CSMD1: variants seen among roughly 807,000 people sequenced by gnomAD.
The protein encoded by CSMD1 is CUB and sushi domain-containing protein 1.
Under a neutral mutation model 417.5 loss-of-function variants are expected in CSMD1, and 213 were observed. The ratio of observed to expected loss-of-function variants is 0.51; its 90% CI spans 0.46 to 0.57. The LOEUF (loss-of-function observed/expected upper bound fraction) is 0.57, where lower values mean the gene tolerates loss of function less well. CSMD1 is among the 20% of genes least tolerant of loss of function. The probability of loss-of-function intolerance (pLI) is 0.00; values close to 1 mark genes in which losing one functional copy is unlikely to be tolerated. For missense variants in CSMD1, 6,923 were observed against 4,529.7 expected (o/e 1.53, Z -15.17); for synonymous variants, 2,862 against 1,736.8 (o/e 1.65, Z -16.11).
chr8:3,414,134 G>A (rs1434491289), intron 12 of CSMD1, among the ~76,000 whole-genome samples: 6 of 103,116 alleles, frequency 5.8e-5, no homozygotes, highest in Non-Finnish European at 9.6e-5. Context: ...GCGAGACTCC[G>A]TTAAAGAAAA....
In CSMD1 at chr8:3,879,440, G is replaced by T. The variant is rs988304805; in HGVS notation, c.818+118463C>A. Among the ~76,000 whole-genome samples the T allele has an allele frequency of 3.9e-5, 6 of 152,220 alleles. No individual in the cohort carries two copies. In the East Asian group the frequency reaches 1.2e-3, roughly 29 times the overall value. The stretch of plus-strand genomic sequence containing the variant: ...GAGGAAATGAATCAGTCCGGTCATT[G>T]AGAACAATGTCCCAGGTTTTTGCTT... On this transcript the variant is annotated intron_variant, in intron 5 of 69. Coordinates refer to ENST00000635120, the MANE Select transcript of CSMD1 (RefSeq NM_033225.6).
chr8:3,455,598 G>A (rs573733151), intron 12 of CSMD1, among the ~76,000 whole-genome samples: 2 of 152,312 alleles, frequency 1.3e-5, no homozygotes, highest in South Asian at 2.1e-4. Context: ...GTGTGCCTGG[G>A]TATCAGCAGC....
intron 1 of CSMD1, among the ~76,000 whole-genome samples, chr8:4,726,036 G>C (rs781634138): frequency 1.1e-4 from 17 of 152,086 alleles, no homozygotes; most frequent in Non-Finnish European, 2.9e-5. Flanking sequence ...TTCTGGTCAC[G>C]GTGTGAGTTC....
chr8:4,559,902 G>A (rs1024393520), intron 2 of CSMD1, among the ~76,000 whole-genome samples: 1 of 152,150 alleles, frequency 6.6e-6, no homozygotes, highest in Non-Finnish European at 1.5e-5. Context: ...GGGTAACTTG[G>A]GTTTCTCATG....
intron 7 of CSMD1, among the ~76,000 whole-genome samples, chr8:3,682,217 T>C (rs1225792938): frequency 6.6e-6 from 1 of 152,180 alleles, no homozygotes; most frequent in Admixed American, 6.6e-5. Context: ...AAAGAGCTTC[T>C]GCACAGCACA....
At chr8:4,558,325 T>G (rs1798183104) in intron 2 of CSMD1, among the ~76,000 whole-genome samples, 1 of 152,204 alleles carries the variant, frequency 6.6e-6, no homozygotes, top group African/African-American at 2.4e-5. Flanking sequence ...GATTCTTCAC[T>G]TTTTTATGAT....
In CSMD1 at chr8:3,087,007, C is replaced by A; in HGVS notation, c.7474+90G>T. 5.1e-6 allele frequency: 6 copies of A among 1,171,544 alleles called. No homozygotes were observed. The South Asian group carries it at 8.4e-5, about 16-fold the overall frequency. The allele number at this position is 1,171,544 out of a possible 1,614,324, so 72.6% of individuals were successfully genotyped here. A position where few individuals can be genotyped will look rare whatever the true frequency, so the allele number is the denominator to read the frequency against. On this transcript the variant is annotated intron_variant, in intron 49 of 69. Coordinates refer to ENST00000635120, the MANE Select transcript of CSMD1 (RefSeq NM_033225.6). The stretch of plus-strand genomic sequence containing the variant: ...ATTCAATTTTTCCTTACCTTTTATT[C>A]TTAGTTAGTGCTTCATTTATTTTCA...
chr8:3,668,616 G>C (rs1798827249), intron 7 of CSMD1, among the ~76,000 whole-genome samples: 1 of 152,014 alleles, frequency 6.6e-6, no homozygotes, highest in Admixed American at 6.6e-5. Context: ...CGAAGCCCTG[G>C]GGAGAAGAGA....
rs191951729 is a variant in CSMD1 at position 3,650,052 on chromosome 8, G to A, written c.1010-33255C>T. 2.9e-3 allele frequency among the ~76,000 whole-genome samples: 445 copies of A among 152,286 alleles called. 2 individuals carry two copies. Among genetic ancestry groups the A allele is most frequent in the African/African-American group, 0.01 (426 of 41,560 alleles). On this transcript the variant is annotated intron_variant, in intron 7 of 69. Transcript: ENST00000635120. ...CCAGCACTTTGGGAAGCCAAGGCGGGCAGACCACTTGAGGTCAAGAGTTTG... is the reference window on the plus strand; with the variant it reads ...CCAGCACTTTGGGAAGCCAAGGCGGACAGACCACTTGAGGTCAAGAGTTTG...
intron 5 of CSMD1, among the ~76,000 whole-genome samples, chr8:3,862,957 C>T (rs143930833): frequency 6.6e-6 from 1 of 152,076 alleles, no homozygotes; most frequent in African/African-American, 2.4e-5. Flanking sequence ...TTATAGTTCA[C>T]AATTCTGGAG....
intron 51 of CSMD1, among the ~76,000 whole-genome samples, chr8:3,022,048 G>A (rs976540608): frequency 1.3e-5 from 2 of 149,190 alleles, no homozygotes; most frequent in Admixed American, 6.7e-5. Flanking sequence ...CACATCCACA[G>A]CATCCGGAAT....
At chr8:4,907,534 T>C (rs201937984) in intron 1 of CSMD1, among the ~76,000 whole-genome samples, 39 of 130,728 alleles carry the variant, frequency 3.0e-4, no homozygotes, top group East Asian at 1.6e-3. Context: ...ATTTAAATTA[T>C]TTTTGGTTTG....
chr8:4,415,819 G>C (rs1239682550), intron 3 of CSMD1, among the ~76,000 whole-genome samples: 1 of 152,172 alleles, frequency 6.6e-6, no homozygotes, highest in African/African-American at 2.4e-5. Flanking sequence ...GCATTTTTGA[G>C]TATGTATTTG....
chr8:3,779,181 G>A (rs1799047286), intron 5 of CSMD1, among the ~76,000 whole-genome samples: 1 of 150,150 alleles, frequency 6.7e-6, no homozygotes, highest in African/African-American at 2.5e-5. Context: ...GTGTGTGTGT[G>A]TGTATGTGCA....
rs182660038 is a variant in CSMD1 at position 4,006,441 on chromosome 8, G to A, written c.611-8331C>T. ...TGCCTGTAATTCCAGCTTCTTGGGA[G>A]GCTGAGGCCGAAGAATCGCTTGAAC... On this transcript the variant is annotated intron_variant, in intron 4 of 69. Transcript: ENST00000635120. Among the ~76,000 whole-genome samples the A allele has an allele frequency of 9.2e-5, 14 of 152,296 alleles. No individual in the cohort carries two copies. The East Asian group carries it at 2.7e-3, about 29-fold the overall frequency.
At chr8:4,486,262 T>C (rs866028500) in intron 2 of CSMD1, among the ~76,000 whole-genome samples, 4 of 135,606 alleles carry the variant, frequency 2.9e-5, no homozygotes, top group African/African-American at 9.0e-5. Context: ...TATATATATA[T>C]ATATATATAT....
chr8:3,331,239 A>G lies in CSMD1; in HGVS notation c.3631+12055T>C, dbSNP rs978838587. 1.7e-4 allele frequency among the ~76,000 whole-genome samples: 9 copies of G among 51,916 alleles called. No individual in the cohort carries two copies. In the East Asian group the frequency reaches 4.8e-3, roughly 28 times the overall value. 34.1% of individuals were successfully genotyped at this position (51,916 alleles called of 152,430 possible). On this transcript the variant is annotated intron_variant, in intron 23 of 69. Coordinates refer to ENST00000635120, the MANE Select transcript of CSMD1 (RefSeq NM_033225.6). ...GCCGACAGAACGAGACTCCGTCTCA[A>G]AAAAAAAAAAAAAGAAAAGCAACTT...
chr8:3,546,978 A>G (rs1298864641), intron 10 of CSMD1, among the ~76,000 whole-genome samples: 2 of 152,176 alleles, frequency 1.3e-5, no homozygotes, highest in African/African-American at 2.4e-5. Context: ...GAAGAAGGGA[A>G]GAGCAAAACT....
intron 5 of CSMD1, among the ~76,000 whole-genome samples, chr8:3,771,849 T>A (rs972149609): frequency 1.3e-5 from 2 of 152,102 alleles, no homozygotes; most frequent in African/African-American, 4.8e-5. Context: ...TCACTCCTTG[T>A]CCTTGCTTTG....
Sources: gnomAD v4.1 joint callset for allele counts (sites outside exome capture counted in the v4.1 genomes callset) on GRCh38, gnomAD v4.1.1 for gene constraint, MANE v1.5 for transcripts, NCBI Gene and HGNC (gene_info 2026-07-23, HGNC 2026-07-21) for gene names.